PTPRN2: variants seen among roughly 807,000 people sequenced by gnomAD.
PTPRN2 encodes protein tyrosine phosphatase receptor type N2.
PTPRN2 carries 74 observed loss-of-function variants against 118.8 expected under a neutral mutation model. The ratio of observed to expected loss-of-function variants is 0.62; its 90% CI spans 0.52 to 0.76. The LOEUF (loss-of-function observed/expected upper bound fraction) is 0.76, where lower values mean the gene tolerates loss of function less well. Among genes scored for constraint, PTPRN2 ranks in the 30% least tolerant of loss-of-function variants. PTPRN2 has a pLI of 0.00. For synonymous variants in PTPRN2, 641 were observed against 608.0 expected (o/e 1.05, Z -0.80); for missense variants, 1,481 against 1,394.4 (o/e 1.06, Z -0.99).
chr7:157,756,963 C>T (rs1344737607), intron 12 of PTPRN2, among the ~76,000 whole-genome samples: 1 of 152,178 alleles, frequency 6.6e-6, no homozygotes, highest in African/African-American at 2.4e-5. Context: ...GAGCCTGGAA[C>T]ATGCAGGGCC....
chr7:157,640,432 G>T (rs1045636992), intron 14 of PTPRN2, among the ~76,000 whole-genome samples: 3 of 152,146 alleles, frequency 2.0e-5, no homozygotes, highest in African/African-American at 7.2e-5. Flanking sequence ...GAATAAGAAG[G>T]TACAACTTAT....
intron 12 of PTPRN2, among the ~76,000 whole-genome samples, chr7:157,795,898 A>G (rs1804839537): frequency 6.6e-6 from 1 of 152,220 alleles, no homozygotes; most frequent in African/African-American, 2.4e-5. Flanking sequence ...GAACAAACAC[A>G]TGTGATGCTG....
At chr7:158,012,885 T>C (rs948664391) in intron 11 of PTPRN2, among the ~76,000 whole-genome samples, 1 of 152,208 alleles carries the variant, frequency 6.6e-6, no homozygotes, top group African/African-American at 2.4e-5. Flanking sequence ...TAGGGGTGAC[T>C]GTGACCCAAA....
rs1259797402 is a variant in PTPRN2, at chr7:157,590,637, G to C, written c.2496+4601C>G. Among the ~76,000 whole-genome samples the C allele has an allele frequency of 6.6e-6, 1 of 152,162 alleles. No homozygotes were observed. Among genetic ancestry groups the C allele is most frequent in the Non-Finnish European group, 1.5e-5 (1 of 68,030 alleles). On this transcript the variant is annotated intron_variant, in intron 17 of 22. Coordinates refer to ENST00000389418, the MANE Select transcript of PTPRN2 (RefSeq NM_002847.5). This position sits in a 1 kb window ranked among gnomAD's most constrained non-coding sequence, Gnocchi z 4.0. Reference sequence around the variant, plus strand: ...GGGACGCAGCACGGACAGAGGTGCTGTGGGCCCTGCGGGACGGGGAGCTGA... The same window carrying C: ...GGGACGCAGCACGGACAGAGGTGCTCTGGGCCCTGCGGGACGGGGAGCTGA...
chr7:158,189,006 C>T (rs956178385), intron 5 of PTPRN2, among the ~76,000 whole-genome samples: 1 of 152,190 alleles, frequency 6.6e-6, no homozygotes, highest in African/African-American at 2.4e-5. Flanking sequence ...CCTAGGAAGG[C>T]ATCCTGTCTC....
chr7:157,686,146 C>A (rs1228112938), intron 12 of PTPRN2, among the ~76,000 whole-genome samples: 2 of 152,190 alleles, frequency 1.3e-5, no homozygotes, highest in Non-Finnish European at 2.9e-5. Flanking sequence ...ACCGGCCTGA[C>A]ACAGAAGTCG....
In PTPRN2 at chr7:158,220,514, T is replaced by G. The variant is rs145527327; in HGVS notation, c.278-15241A>C. Among the ~76,000 whole-genome samples the G allele has an allele frequency of 2.0e-5, 3 of 152,228 alleles. No individual in the cohort carries two copies. In the East Asian group the frequency reaches 5.8e-4, roughly 29 times the overall value. On this transcript the variant is annotated intron_variant, in intron 3 of 22. Transcript: ENST00000389418. ...TGTATAAAAACCAGTAGCATACAAT[T>G]CACTTACCCTTAGCAAACCAAAACA...
intron 3 of PTPRN2, among the ~76,000 whole-genome samples, chr7:158,293,311 T>C (rs1395138202): frequency 6.6e-6 from 1 of 152,122 alleles, no homozygotes; most frequent in Admixed American, 6.6e-5. Flanking sequence ...GCACGGTGAC[T>C]CACGCCTATA....
intron 11 of PTPRN2, among the ~76,000 whole-genome samples, chr7:157,905,165 C>A (rs1797702918): frequency 6.6e-6 from 1 of 152,202 alleles, no homozygotes; most frequent in African/African-American, 2.4e-5. Flanking sequence ...ACACCTACTC[C>A]TTTTAAGTCT....
rs1291681262 is a variant in PTPRN2, at chr7:157,676,354, T to C, written c.2001+6371A>G. On this transcript the variant is annotated intron_variant, in intron 13 of 22. Coordinates refer to ENST00000389418, the MANE Select transcript of PTPRN2 (RefSeq NM_002847.5). The surrounding 1 kb of genome is among the most constrained non-coding windows in gnomAD (Gnocchi z 5.6). ...CCACCACCTGGCCCAGCCCCTCCTC[T>C]GTCATCTCCAAGGATTTGATTTCAG... Among the ~76,000 whole-genome samples, 1 of 152,142 alleles carries C rather than the reference T, an allele frequency of 6.6e-6. No individual in the cohort carries two copies. Among genetic ancestry groups the C allele is most frequent in the Non-Finnish European group, 1.5e-5 (1 of 68,028 alleles).
At chr7:158,101,963 A>C (rs1815261225) in intron 10 of PTPRN2, among the ~76,000 whole-genome samples, 1 of 152,128 alleles carries the variant, frequency 6.6e-6, no homozygotes, top group Non-Finnish European at 1.5e-5. Flanking sequence ...GTGGGCCCTG[A>C]GGTCCCAGGA....
intron 1 of PTPRN2, among the ~76,000 whole-genome samples, chr7:158,506,789 G>A (rs1441090727): frequency 6.6e-6 from 1 of 152,056 alleles, no homozygotes; most frequent in African/African-American, 2.4e-5. Flanking sequence ...GAAGGCCTGG[G>A]TGTCTCCTCA....
chr7:158,238,933 C>T (rs188348926), intron 3 of PTPRN2, among the ~76,000 whole-genome samples: 159 of 152,142 alleles, frequency 1.0e-3, no homozygotes, highest in African/African-American at 3.7e-3. Flanking sequence ...GCCCCCAGGA[C>T]AGGCTGGCCT....
intron 11 of PTPRN2, among the ~76,000 whole-genome samples, chr7:158,065,064 T>C (rs78458015): frequency 0.058 from 8,826 of 152,334 alleles, 530 homozygotes; most frequent in African/African-American, 0.15. Flanking sequence ...TAATCTGGCA[T>C]ACTTCTGGGT....
chr7:157,873,281 T>C lies in PTPRN2; in HGVS notation c.1788+25392A>G, dbSNP rs76534949. ...AGCAAGTATCTGTTGAATAAATGAATGTGCACCAGGAAAGAAAGCAGCCGC... is the reference window on the plus strand; with the variant it reads ...AGCAAGTATCTGTTGAATAAATGAACGTGCACCAGGAAAGAAAGCAGCCGC... On this transcript the variant is annotated intron_variant, in intron 12 of 22. Coordinates refer to ENST00000389418, the MANE Select transcript of PTPRN2 (RefSeq NM_002847.5). Among the ~76,000 whole-genome samples the C allele has an allele frequency of 7.3e-3, 1,119 of 152,322 alleles. 58 individuals are homozygous for C. The East Asian group carries it at 0.13, about 18-fold the overall frequency.
chr7:158,323,909 C>A (rs1365679824), intron 2 of PTPRN2, among the ~76,000 whole-genome samples: 1 of 152,172 alleles, frequency 6.6e-6, no homozygotes, highest in Non-Finnish European at 1.5e-5. Context: ...TTCTCCCATG[C>A]ACGGGACACT....
chr7:158,462,087 T>TGCAGGAGCCGGCGCTTGGGTGAAC (rs1216679088), intron 2 of PTPRN2, among the ~76,000 whole-genome samples: 1 of 18,602 alleles, frequency 5.4e-5, no homozygotes, highest in African/African-American at 1.5e-4. Flanking sequence ...CGCCCTGTGC[T>TGCAGGAGCCGGCGCTTGGGTGAAC]GCTCTGCTTT....
At chr7:157,880,814 T>G (rs377409648) in intron 12 of PTPRN2, among the ~76,000 whole-genome samples, 62 of 152,360 alleles carry the variant, frequency 4.1e-4, no homozygotes, top group African/African-American at 1.3e-3. Context: ...TGGTAGAATT[T>G]TTCACTTTTT....
intron 2 of PTPRN2, among the ~76,000 whole-genome samples, chr7:158,361,339 CAAACCCT>C (rs1808933870): frequency 0.013 from 14 of 1,066 alleles, 5 homozygotes; most frequent in South Asian, 0.067. Context: ...GGACGACTCA[CAAACCCT>C]ACGTCCACCC....
Sources: allele counts gnomAD v4.1 joint callset (sites outside exome capture counted in the v4.1 genomes callset), GRCh38; gene constraint gnomAD v4.1.1; non-coding constraint Gnocchi (gnomAD v3.1); transcripts MANE v1.5; gene names NCBI Gene and HGNC (gene_info 2026-07-23, HGNC 2026-07-21).